Variants in KIAA0825 observed in about 807,000 individuals in gnomAD.
KIAA0825 encodes uncharacterized protein KIAA0825.
Under a neutral mutation model 147.6 loss-of-function variants are expected in KIAA0825, and 119 were observed. The ratio of observed to expected loss-of-function variants is 0.81; its 90% CI spans 0.69 to 0.94. The LOEUF (loss-of-function observed/expected upper bound fraction) is 0.94, where lower values mean the gene tolerates loss of function less well. KIAA0825 is among the 40% of genes least tolerant of loss of function. The pLI is 0.00. For missense variants in KIAA0825, 1,381 were observed against 1,472.7 expected (o/e 0.94, Z 1.02); for synonymous variants, 470 against 518.1 (o/e 0.91, Z 1.26).
chr5:94,251,299 C>T (rs1219194925), intron 20 of KIAA0825, among the ~76,000 whole-genome samples: 2 of 152,052 alleles, frequency 1.3e-5, no homozygotes, highest in African/African-American at 2.4e-5. Context: ...TCTCCCTTGG[C>T]GGAACGTCAG....
chr5:94,385,379 A>G (rs1748998016), intron 19 of KIAA0825, among the ~76,000 whole-genome samples: 1 of 152,150 alleles, frequency 6.6e-6, no homozygotes, highest in African/African-American at 2.4e-5. Flanking sequence ...TGAAGGTCTT[A>G]CTCCACTACA....
intron 5 of KIAA0825, among the ~76,000 whole-genome samples, chr5:94,516,518 C>T (rs948691309): frequency 1.3e-5 from 2 of 152,104 alleles, no homozygotes; most frequent in Non-Finnish European, 1.5e-5. Flanking sequence ...AAAAAGAAAA[C>T]GTGGGCCGGG....
At chr5:94,191,414 G>C (rs1562304318) in intron 20 of KIAA0825, among the ~76,000 whole-genome samples, 1 of 152,004 alleles carries the variant, frequency 6.6e-6, no homozygotes. Context: ...TCATCATGCA[G>C]AAAATAGTCT....
intron 1 of KIAA0825, among the ~76,000 whole-genome samples, chr5:94,599,939 C>T (rs1786056530): frequency 6.6e-6 from 1 of 151,600 alleles, no homozygotes; most frequent in South Asian, 2.1e-4. Flanking sequence ...GTTGTCCACC[C>T]CCCCAAAAAA....
intron 2 of KIAA0825, among the ~76,000 whole-genome samples, chr5:94,553,763 T>TA (rs1776010024): frequency 7.7e-6 from 1 of 129,980 alleles, no homozygotes; most frequent in Admixed American, 7.8e-5. Flanking sequence ...GGAGACTGTT[T>TA]AAAAAAACAA....
intron 20 of KIAA0825, among the ~76,000 whole-genome samples, chr5:94,264,570 TA>T (rs1374421639): frequency 6.6e-6 from 1 of 152,162 alleles, no homozygotes; most frequent in East Asian, 1.9e-4. Flanking sequence ...ACATCATAAA[TA>T]TCTTTTATTT....
In KIAA0825 at chr5:94,453,052, A is replaced by G. The variant is rs950157177; in HGVS notation, c.2264T>C (p.Leu755Pro). 12 of 1,520,638 alleles carry G rather than the reference A, an allele frequency of 7.9e-6. No individual in the cohort carries two copies. The highest frequency in any genetic ancestry group is 1.1e-5 in the Non-Finnish European group (12 of 1,134,864). The allele number at this position is 1,520,638 out of a possible 1,614,324, so 94.2% of individuals were successfully genotyped here. A position where few individuals can be genotyped will look rare whatever the true frequency, so the allele number is the denominator to read the frequency against. ...TAAGGAATCTGAAGCAGACTCATCCAGGCCATGCTGAAAAGTCCTAGGGAA... is the reference window on the plus strand; with the variant it reads ...TAAGGAATCTGAAGCAGACTCATCCGGGCCATGCTGAAAAGTCCTAGGGAA... ...TELYKTFQHG[L>P]DESASDSLKS... is the part of the protein sequence containing the mutation. Residue 755 changes from leucine (L) to proline (P), a missense_variant, in exon 13 of 21, where the codon CTG becomes CCG. Transcript: ENST00000682413.
At chr5:94,195,332 TC>T in intron 20 of KIAA0825, among the ~76,000 whole-genome samples, 1 of 152,316 alleles carries the variant, frequency 6.6e-6, no homozygotes. Flanking sequence ...ATTGATAATT[TC>T]ATACCATCAA....
chr5:94,271,244 A>C (rs951004164), intron 20 of KIAA0825, among the ~76,000 whole-genome samples: 1 of 152,148 alleles, frequency 6.6e-6, no homozygotes, highest in African/African-American at 2.4e-5. Flanking sequence ...AGCACAGTCA[A>C]CCAAAGAAAA....
In KIAA0825 at chr5:94,613,558, G is replaced by C. The variant is rs902959396; in HGVS notation, c.-153+4942C>G. 7.2e-5 allele frequency among the ~76,000 whole-genome samples: 11 copies of C among 152,168 alleles called. 1 individual carries two copies. The East Asian group carries it at 2.1e-3, about 29-fold the overall frequency. On this transcript the variant is annotated intron_variant, in intron 1 of 20. Transcript: ENST00000682413. The stretch of plus-strand genomic sequence containing the variant: ...TGGCTTTAGTGTTGGCTTTTAGAAA[G>C]TAAATAGTCAAAAAGGCCAGGTGCA...
rs1280109696 is a variant in KIAA0825, at chr5:94,204,843, C to T, written c.3711-50719G>A. Among the ~76,000 whole-genome samples, 12 of 152,260 alleles carry T rather than the reference C, an allele frequency of 7.9e-5. No homozygotes were observed. In the East Asian group the frequency reaches 2.3e-3, roughly 29 times the overall value. On this transcript the variant is annotated intron_variant, in intron 20 of 20. Coordinates refer to ENST00000682413, the MANE Select transcript of KIAA0825 (RefSeq NM_001145678.3). ...ACTTCCATATCTGGTGAACATCTTT[C>T]CAGACACCTGTAATACTAAGACAAA...
intron 20 of KIAA0825, among the ~76,000 whole-genome samples, chr5:94,263,790 C>T (rs189282534): frequency 5.9e-5 from 9 of 152,094 alleles, no homozygotes; most frequent in Non-Finnish European, 8.8e-5. Flanking sequence ...AGCTTGGATA[C>T]GTCCACTTTT....
At chr5:94,480,223 T>A (rs1029841936) in intron 6 of KIAA0825, among the ~76,000 whole-genome samples, 5 of 152,068 alleles carry the variant, frequency 3.3e-5, no homozygotes, top group African/African-American at 1.2e-4. Context: ...TAAATTATGA[T>A]ACATGCACCA....
chr5:94,587,951 C>T (rs2152383063), intron 1 of KIAA0825, among the ~76,000 whole-genome samples: 1 of 152,248 alleles, frequency 6.6e-6, no homozygotes, highest in South Asian at 2.1e-4. Flanking sequence ...GGAAAGGATT[C>T]CCTATTTAAT....
At chr5:94,199,294 C>G (rs1033481629) in intron 20 of KIAA0825, among the ~76,000 whole-genome samples, 5 of 152,176 alleles carry the variant, frequency 3.3e-5, no homozygotes, top group African/African-American at 1.2e-4. Flanking sequence ...TTTCTGCATG[C>G]CTCCAGGGGG....
intron 20 of KIAA0825, among the ~76,000 whole-genome samples, chr5:94,217,148 A>T (rs975363101): frequency 2.0e-5 from 3 of 152,184 alleles, no homozygotes; most frequent in Non-Finnish European, 4.4e-5. Context: ...TGAGAACTCA[A>T]ATATCTTGAT....
intron 20 of KIAA0825, among the ~76,000 whole-genome samples, chr5:94,326,219 T>C (rs1224291467): frequency 1.3e-5 from 2 of 152,170 alleles, no homozygotes; most frequent in African/African-American, 4.8e-5. Context: ...AATCATCAAA[T>C]GCTTGCTTCC....
chr5:94,534,890 T>C (rs1374711629), intron 3 of KIAA0825, among the ~76,000 whole-genome samples: 1 of 152,150 alleles, frequency 6.6e-6, no homozygotes, highest in Admixed American at 6.5e-5. Context: ...TTTAGGTAAA[T>C]GTCTTGTTAA....
At chr5:94,364,572 C>T (rs1202194690) in intron 20 of KIAA0825, among the ~76,000 whole-genome samples, 1 of 151,772 alleles carries the variant, frequency 6.6e-6, no homozygotes, top group Non-Finnish European at 1.5e-5. Context: ...TTAGTAGAGA[C>T]GGGGTTTCAC....
Sources: allele counts gnomAD v4.1 joint callset (sites outside exome capture counted in the v4.1 genomes callset), GRCh38; gene constraint gnomAD v4.1.1; transcripts MANE v1.5; gene names NCBI Gene and HGNC (gene_info 2026-07-23, HGNC 2026-07-21).